CLASP1: variants seen among roughly 807,000 people sequenced by gnomAD.
The protein encoded by CLASP1 is cytoplasmic linker associated protein 1, also known as CLIP-associating protein 1.
A neutral mutation model predicts 192.3 loss-of-function variants in CLASP1; 38 were observed. That is an observed-to-expected ratio of 0.20 (90% confidence interval 0.15 to 0.26). The LOEUF (loss-of-function observed/expected upper bound fraction) is 0.26. CLASP1 is among the 10% of genes least tolerant of loss of function. CLASP1 has a pLI of 1.00. For missense variants in CLASP1, 1,433 were observed against 1,932.5 expected (o/e 0.74, Z 4.85); for synonymous variants, 691 against 712.8 (o/e 0.97, Z 0.49).
intron 7 of CLASP1, among the ~76,000 whole-genome samples, chr2:121,511,321 G>A (rs2150318789): frequency 6.6e-6 from 1 of 152,264 alleles, no homozygotes; most frequent in East Asian, 1.9e-4. Context: ...AGGGGCAGTG[G>A]CTCATGCCTG....
chr2:121,543,662 C>T (rs1180532497), intron 2 of CLASP1, among the ~76,000 whole-genome samples: 5 of 152,182 alleles, frequency 3.3e-5, no homozygotes, highest in Non-Finnish European at 7.3e-5. Flanking sequence ...TTCTAAGAGA[C>T]AGTTCCAGCT....
exon 17 of CLASP1, chr2:121,449,120 T>A: frequency 6.2e-7 from 1 of 1,613,524 alleles, no homozygotes; most frequent in African/African-American, 1.3e-5. Context: ...CCCAGTAACA[T>A]CTAGAGGAAA....
chr2:121,473,656 A>G (rs1357587898), intron 8 of CLASP1, among the ~76,000 whole-genome samples: 1 of 152,238 alleles, frequency 6.6e-6, no homozygotes, highest in East Asian at 1.9e-4. Flanking sequence ...ACACACACAC[A>G]GAAAAGCATA....
chr2:121,384,165 T>TACAC (rs113468785), intron 32 of CLASP1, among the ~76,000 whole-genome samples: 7 of 142,132 alleles, frequency 4.9e-5, no homozygotes, highest in African/African-American at 8.9e-5. Flanking sequence ...CACATATATA[T>TACAC]ATATACACAC....
intron 15 of CLASP1, 103 bp downstream of exon 15, chr2:121,451,687 T>C (rs1279075036): frequency 8.5e-6 from 7 of 828,096 alleles, no homozygotes; most frequent in African/African-American, 1.7e-5. Flanking sequence ...AACAAACGCA[T>C]ATATTCCTCC....
At chr2:121,437,673 C>T (rs1006578744) in intron 19 of CLASP1, among the ~76,000 whole-genome samples, 1 of 152,198 alleles carries the variant, frequency 6.6e-6, no homozygotes, top group African/African-American at 2.4e-5. Flanking sequence ...GGGCAAATTT[C>T]TCTGTTCTTT....
chr2:121,570,939 C>A (rs13398987), intron 2 of CLASP1, among the ~76,000 whole-genome samples: 1 of 151,750 alleles, frequency 6.6e-6, no homozygotes, highest in Non-Finnish European at 1.5e-5. Context: ...AAGTCACCCA[C>A]GGGATTTGGA....
intron 19 of CLASP1, among the ~76,000 whole-genome samples, chr2:121,431,936 T>C (rs898690473): frequency 2.6e-5 from 4 of 152,230 alleles, no homozygotes; most frequent in African/African-American, 9.6e-5. Context: ...TTTTTCCATA[T>C]AACTAACCAA....
At chr2:121,581,710 C>A (rs1172162408) in intron 2 of CLASP1, among the ~76,000 whole-genome samples, 1 of 152,120 alleles carries the variant, frequency 6.6e-6, no homozygotes, top group African/African-American at 2.4e-5. Context: ...CATGGTGAGA[C>A]CCCATCTCTA....
intron 22 of CLASP1, among the ~76,000 whole-genome samples, chr2:121,419,472 C>T (rs1308653092): frequency 2.0e-5 from 3 of 152,184 alleles, no homozygotes; most frequent in African/African-American, 7.2e-5. Context: ...CCACCACTGA[C>T]CCAGTCTTTC....
At chr2:121,462,717 A>G (rs541375693) in intron 9 of CLASP1, 112 bp from the exon 10 acceptor site, 7 of 660,590 alleles carry the variant, frequency 1.1e-5, no homozygotes, top group Non-Finnish European at 1.6e-5. Context: ...GATTCAGAAC[A>G]TTTTTTTAAA....
At chr2:121,402,190 T>A (rs902606539) in intron 26 of CLASP1, among the ~76,000 whole-genome samples, 1 of 152,222 alleles carries the variant, frequency 6.6e-6, no homozygotes, top group African/African-American at 2.4e-5. Context: ...ACCTACTCAC[T>A]ATTGTGTAGC....
intron 1 of CLASP1, among the ~76,000 whole-genome samples, chr2:121,613,280 T>C (rs2065906323): frequency 6.6e-6 from 1 of 152,232 alleles, no homozygotes; most frequent in Non-Finnish European, 1.5e-5. Flanking sequence ...ATCTCAACCT[T>C]TTCCTGTCAC....
At chr2:121,468,136 T>A (rs1262117341) in intron 9 of CLASP1, among the ~76,000 whole-genome samples, 1 of 152,204 alleles carries the variant, frequency 6.6e-6, no homozygotes, top group Admixed American at 6.5e-5. Flanking sequence ...TCTCTTCTAT[T>A]CCATTGGTCT....
intron 1 of CLASP1, among the ~76,000 whole-genome samples, chr2:121,641,564 A>G (rs1248658224): frequency 6.6e-6 from 1 of 152,240 alleles, no homozygotes; most frequent in Admixed American, 6.5e-5. Flanking sequence ...CATGCCAGAC[A>G]GGATTGGAAA....
chr2:121,531,011 A>AC (rs1361840267), intron 2 of CLASP1: 1 of 700,050 alleles, frequency 1.4e-6, no homozygotes, highest in African/African-American at 1.7e-5. Flanking sequence ...TGGAAAAATG[A>AC]AAACCTGTTT....
At chr2:121,448,495 G>T (rs772644011) in intron 17 of CLASP1, among the ~76,000 whole-genome samples, 170 bp from the exon 18 acceptor site, 2 of 152,206 alleles carry the variant, frequency 1.3e-5, no homozygotes, top group African/African-American at 4.8e-5. Flanking sequence ...CGAAGCTTTA[G>T]CAATCTATTT....
chr2:121,508,933 G>A, intron 7 of CLASP1, among the ~76,000 whole-genome samples: 1 of 152,130 alleles, frequency 6.6e-6, no homozygotes, highest in East Asian at 1.9e-4. Flanking sequence ...CAGTGCTCAG[G>A]GGATCATAAC....
chr2:121,377,445 CATT>C, intron 34 of CLASP1, 51 bp downstream of exon 35: 7 of 1,301,334 alleles, frequency 5.4e-6, no homozygotes, highest in Middle Eastern at 1.9e-4. Context: ...TCAGAAGTCT[CATT>C]ATCTGTCATT....
Sources: gnomAD v4.1 joint callset for allele counts (sites outside exome capture counted in the v4.1 genomes callset) on GRCh38, gnomAD v4.1.1 for gene constraint, MANE v1.5 for transcripts, NCBI Gene and HGNC (gene_info 2026-07-23, HGNC 2026-07-21) for gene names.